Variants in AKAP13 observed in about 807,000 individuals in gnomAD.
The protein encoded by AKAP13 is A-kinase anchoring protein 13, also known as A-kinase anchor protein 13.
A neutral mutation model predicts 264.5 loss-of-function variants in AKAP13; 80 were observed. The ratio of observed to expected loss-of-function variants is 0.30; its 90% CI spans 0.25 to 0.36. The LOEUF (loss-of-function observed/expected upper bound fraction) is 0.36, where lower values mean the gene tolerates loss of function less well. AKAP13 is among the 10% of genes least tolerant of loss of function. The pLI is 1.00. For synonymous variants in AKAP13, 1,380 were observed against 1,250.2 expected, an observed-to-expected ratio of 1.10 and a Z score of -2.19; for missense variants, 3,712 against 3,435.2, an observed-to-expected ratio of 1.08 and a Z score of -2.01.
chr15:85,526,286 G>A (rs1294831665), intron 3 of AKAP13, among the ~76,000 whole-genome samples: 1 of 152,018 alleles, frequency 6.6e-6, no homozygotes. Context: ...TTGAGACAGA[G>A]TCTCACTCTT....
At chr15:85,578,358 T>C (rs1208400746) in intron 6 of AKAP13, among the ~76,000 whole-genome samples, 2 of 152,174 alleles carry the variant, frequency 1.3e-5, no homozygotes, top group African/African-American at 4.8e-5. Context: ...TTATTTTTAT[T>C]TTTTTTAAGA....
intron 2 of AKAP13, among the ~76,000 whole-genome samples, chr15:85,513,252 A>G (rs1454474093): frequency 6.6e-6 from 1 of 152,166 alleles, no homozygotes; most frequent in Admixed American, 6.5e-5. Flanking sequence ...AGGAACTTCT[A>G]CATTTGCTGT....
intron 1 of AKAP13, among the ~76,000 whole-genome samples, chr15:85,454,447 A>T (rs569704347): frequency 6.0e-4 from 91 of 151,942 alleles, no homozygotes; most frequent in Middle Eastern, 6.8e-3. Flanking sequence ...TGTTGCTCCC[A>T]GGTGCGCTGT....
At chr15:85,398,810 C>A (rs766912106) in intron 1 of AKAP13, among the ~76,000 whole-genome samples, 3 of 152,202 alleles carry the variant, frequency 2.0e-5, no homozygotes, top group Non-Finnish European at 4.4e-5. Flanking sequence ...CGTGTTTCCG[C>A]CAGCCACCTT....
intron 2 of AKAP13, among the ~76,000 whole-genome samples, chr15:85,499,494 T>G (rs746138993): frequency 1.3e-5 from 2 of 152,200 alleles, no homozygotes; most frequent in Admixed American, 6.5e-5. Context: ...ATGAAAGCAG[T>G]ATTCTGATGT....
Position 85,580,755 on chromosome 15 carries a change from G to A in AKAP13, c.2687G>A (p.Ser896Asn), listed in dbSNP as rs2079131345. Residue 896 changes from serine (S) to asparagine (N), a missense_variant, in exon 7 of 37, where the codon AGT (serine) becomes AAT (asparagine). Physicochemically the swap from Ser to Asn is conservative, Grantham distance 46 (BLOSUM62 1). Transcript: ENST00000394518. ...GGGAACACTGACTCTTCCCTGCAAAGTGTGGGTAAGGCCACTTTGGCTTTA... is the reference window on the plus strand; with the variant it reads ...GGGAACACTGACTCTTCCCTGCAAAATGTGGGTAAGGCCACTTTGGCTTTA... ...IKGNTDSSLQ[S>N]VGKATLALDS... The A allele has an allele frequency of 2.5e-6, 4 of 1,614,016 alleles. No homozygotes were observed. Among genetic ancestry groups the A allele is most frequent in the African/African-American group, 1.3e-5 (1 of 74,930 alleles).
At chr15:85,547,834 A>G (rs1002714761) in intron 5 of AKAP13, among the ~76,000 whole-genome samples, 4 of 152,094 alleles carry the variant, frequency 2.6e-5, no homozygotes, top group Non-Finnish European at 5.9e-5. Context: ...TGCCTGAGAA[A>G]TCTTAGCCCC....
At position 85,396,045 on chromosome 15, in the gene AKAP13, T is replaced by C. The variant is rs74024824; in HGVS notation, c.-12+15247T>C. On this transcript the variant is annotated intron_variant, in intron 1 of 36. Coordinates refer to ENST00000394518, the MANE Select transcript of AKAP13 (RefSeq NM_007200.5). Reference sequence around the variant, plus strand: ...ATACACACACACACACACACACACATACATATGCACACATAACATACATGT... The same window carrying C: ...ATACACACACACACACACACACACACACATATGCACACATAACATACATGT... 7.9e-3 allele frequency among the ~76,000 whole-genome samples: 1,142 copies of C among 143,700 alleles called. 16 individuals are homozygous for C. The highest frequency in any genetic ancestry group is 0.026 in the African/African-American group (998 of 38,648). The allele number at this position is 143,700 out of a possible 152,430, so 94.3% of individuals were successfully genotyped here.
chr15:85,630,294 G>C (rs1300014161), intron 8 of AKAP13, among the ~76,000 whole-genome samples: 3 of 124,542 alleles, frequency 2.4e-5, no homozygotes, highest in Non-Finnish European at 5.0e-5. Context: ...ATGGAAAATT[G>C]TAATTCCGGC....
chr15:85,589,591 A>G (rs985731290), intron 8 of AKAP13, among the ~76,000 whole-genome samples: 2 of 135,600 alleles, frequency 1.5e-5, no homozygotes, highest in African/African-American at 5.0e-5. Context: ...CCTTGTCTCC[A>G]CTAAAAAAAA....
intron 5 of AKAP13, among the ~76,000 whole-genome samples, chr15:85,561,869 A>G (rs1213738799): frequency 2.0e-5 from 3 of 152,218 alleles, no homozygotes; most frequent in African/African-American, 7.2e-5. Context: ...GCAATGATCT[A>G]GAACTTGCAC....
intron 3 of AKAP13, among the ~76,000 whole-genome samples, chr15:85,522,788 T>G (rs908617250): frequency 6.6e-6 from 1 of 152,184 alleles, no homozygotes; most frequent in Non-Finnish European, 1.5e-5. Flanking sequence ...CTGACCCCTT[T>G]GCTTTGGCCC....
At position 85,465,967 on chromosome 15, in the gene AKAP13, C is replaced by T. The variant is rs1025894806; in HGVS notation, c.-11-19743C>T. Among the ~76,000 whole-genome samples the T allele has an allele frequency of 6.4e-3, 960 of 151,128 alleles. 9 individuals carry two copies. Among genetic ancestry groups the T allele is most frequent in the African/African-American group, 0.022 (910 of 41,114 alleles). ...TGGTTGAACTAGTTTACAGTCCCACCAACAGTGTAAAAGTGTTCCTATTTC... is the reference window on the plus strand; with the variant it reads ...TGGTTGAACTAGTTTACAGTCCCACTAACAGTGTAAAAGTGTTCCTATTTC... On this transcript the variant is annotated intron_variant, in intron 1 of 36. Coordinates refer to ENST00000394518, the MANE Select transcript of AKAP13 (RefSeq NM_007200.5).
At chr15:85,513,362 T>G (rs1476095523) in intron 2 of AKAP13, among the ~76,000 whole-genome samples, 5 of 152,246 alleles carry the variant, frequency 3.3e-5, no homozygotes, top group Non-Finnish European at 5.9e-5. Context: ...GTGGGAAGCC[T>G]TGGAGGTTTT....
intron 5 of AKAP13, among the ~76,000 whole-genome samples, chr15:85,571,690 T>G (rs999355990): frequency 4.6e-5 from 7 of 152,264 alleles, no homozygotes; most frequent in African/African-American, 1.7e-4. Flanking sequence ...GTTGTCTCCC[T>G]TGTTCGACAG....
intron 1 of AKAP13, among the ~76,000 whole-genome samples, chr15:85,443,891 A>G (rs1221184528): frequency 1.3e-5 from 2 of 151,990 alleles, no homozygotes; most frequent in African/African-American, 4.8e-5. Flanking sequence ...CTTGCCATTG[A>G]TGTGCTCACT....
rs565780322 is a variant in AKAP13, at chr15:85,491,183, G to A, written c.33+5430G>A. 3.9e-5 allele frequency among the ~76,000 whole-genome samples: 6 copies of A among 152,088 alleles called. No homozygotes were observed. In the South Asian group the frequency reaches 1.2e-3, roughly 32 times the overall value. On this transcript the variant is annotated intron_variant, in intron 2 of 36. Transcript: ENST00000394518. The stretch of plus-strand genomic sequence containing the variant: ...ATCTTGTAGGATTTAACAGACCACT[G>A]GATAATCTCCCTGGGCCTACCTTCC...
chr15:85,574,391 T>C (rs2078939546), intron 5 of AKAP13, among the ~76,000 whole-genome samples: 1 of 152,202 alleles, frequency 6.6e-6, no homozygotes, highest in East Asian at 1.9e-4. Context: ...GGAGGTGCTG[T>C]AGCCTTTAGA....
intron 16 of AKAP13, 46 bp from the exon 17 acceptor site, chr15:85,693,231 C>T (rs746786074): frequency 1.3e-6 from 2 of 1,523,040 alleles, no homozygotes; most frequent in South Asian, 2.7e-5. Context: ...AGGAGAAAGC[C>T]CTCCAGTGTT....
Sources: gnomAD v4.1 joint callset for allele counts (sites outside exome capture counted in the v4.1 genomes callset) on GRCh38, gnomAD v4.1.1 for gene constraint, MANE v1.5 for transcripts, NCBI Gene and HGNC (gene_info 2026-07-23, HGNC 2026-07-21) for gene names.